DOCK1: variants seen among roughly 807,000 people sequenced by gnomAD.
DOCK1 encodes the protein dedicator of cytokinesis protein 1.
In DOCK1, 138 loss-of-function variants were observed where a neutral mutation model predicts 262.7. The observed-to-expected ratio is 0.53, with a 90% CI of 0.46 to 0.61. The LOEUF (loss-of-function observed/expected upper bound fraction) is 0.61, where lower values mean the gene tolerates loss of function less well. Among genes scored for constraint, DOCK1 ranks in the 20% least tolerant of loss-of-function variants. The probability of loss-of-function intolerance (pLI) is 0.00; values close to 1 mark genes in which losing one functional copy is unlikely to be tolerated. For synonymous variants in DOCK1, 866 were observed against 867.4 expected (o/e 1.00, Z 0.03); for missense variants, 1,908 against 2,370.7 (o/e 0.80, Z 4.05).
Position 127,124,356 on chromosome 10 carries a change from C to T in DOCK1, c.2624-1118C>T, listed in dbSNP as rs189323598. 1.7e-3 allele frequency among the ~76,000 whole-genome samples: 264 copies of T among 152,288 alleles called. 1 individual carries two copies. The highest frequency in any genetic ancestry group is 6.0e-3 in the African/African-American group (248 of 41,562). The stretch of plus-strand genomic sequence containing the variant: ...CACTGCTGTCTCCTCTTGTGCTCTG[C>T]GTTTAAAGGAAACAAGAATGGCTGG... On this transcript the variant is annotated intron_variant, in intron 25 of 51. Coordinates refer to ENST00000623213, the MANE Select transcript of DOCK1 (RefSeq NM_001290223.2).
At chr10:126,994,138 C>T (rs532461800) in intron 6 of DOCK1, among the ~76,000 whole-genome samples, 231 of 152,192 alleles carry the variant, frequency 1.5e-3, no homozygotes, top group Middle Eastern at 3.4e-3. Context: ...CTTAGACCTG[C>T]GTGTTTTGTT....
chr10:126,979,457 C>T (rs2038786935), intron 3 of DOCK1, among the ~76,000 whole-genome samples: 1 of 152,134 alleles, frequency 6.6e-6, no homozygotes, highest in African/African-American at 2.4e-5. Flanking sequence ...GACTAATATG[C>T]CCCTCCCCCA....
chr10:126,954,202 T>A (rs1162109310), intron 1 of DOCK1, among the ~76,000 whole-genome samples: 2 of 152,250 alleles, frequency 1.3e-5, no homozygotes, highest in African/African-American at 4.8e-5. Context: ...AAATGACTAT[T>A]AAAATATAAC....
intron 27 of DOCK1, among the ~76,000 whole-genome samples, chr10:127,164,435 G>A (rs1437654951): frequency 1.3e-5 from 2 of 152,006 alleles, no homozygotes; most frequent in South Asian, 2.1e-4. Context: ...CACCCGCCTC[G>A]GCCTCCCAGA....
intron 29 of DOCK1, among the ~76,000 whole-genome samples, chr10:127,335,394 C>T (rs2135700630): frequency 6.6e-6 from 1 of 152,320 alleles, no homozygotes; most frequent in Middle Eastern, 3.4e-3. Flanking sequence ...TTTGGCAAGG[C>T]ATCCTCCCAT....
chr10:127,399,692 G>A (rs1269508677), intron 38 of DOCK1, among the ~76,000 whole-genome samples: 1 of 152,050 alleles, frequency 6.6e-6, no homozygotes, highest in Non-Finnish European at 1.5e-5. Context: ...TAGAAGCCCT[G>A]GCATTCTAGG....
intron 1 of DOCK1, among the ~76,000 whole-genome samples, chr10:126,949,803 A>G (rs928138836): frequency 1.3e-5 from 2 of 151,992 alleles, no homozygotes; most frequent in East Asian, 3.9e-4. Context: ...TTTTGTTTTG[A>G]CATGTCTCTG....
intron 27 of DOCK1, among the ~76,000 whole-genome samples, chr10:127,161,457 A>G (rs1415634297): frequency 6.6e-6 from 1 of 152,124 alleles, no homozygotes; most frequent in East Asian, 1.9e-4. Flanking sequence ...CAGTTATGAG[A>G]TCCTTGCTGG....
At chr10:127,077,347 A>C (rs780017642) in intron 23 of DOCK1, among the ~76,000 whole-genome samples, 5 of 152,150 alleles carry the variant, frequency 3.3e-5, no homozygotes, top group Non-Finnish European at 7.3e-5. Context: ...GTCAGCCGAG[A>C]TTGCACCACT....
chr10:126,912,243 A>G (rs2031880104), intron 1 of DOCK1, among the ~76,000 whole-genome samples: 1 of 152,076 alleles, frequency 6.6e-6, no homozygotes, highest in Non-Finnish European at 1.5e-5. Flanking sequence ...AGCCTGGCCA[A>G]TATGGTGAAA....
chr10:127,362,578 A>G (rs1023041221), intron 33 of DOCK1, among the ~76,000 whole-genome samples: 5 of 152,190 alleles, frequency 3.3e-5, no homozygotes, highest in African/African-American at 1.2e-4. Context: ...TTATTGCAGA[A>G]TTGTGGTATT....
chr10:127,094,727 T>A (rs976169797), intron 23 of DOCK1, among the ~76,000 whole-genome samples: 3 of 152,238 alleles, frequency 2.0e-5, no homozygotes, highest in African/African-American at 7.2e-5. Context: ...AGACCATGAA[T>A]AAAACACAAG....
At chr10:127,209,684 A>T (rs932153197) in intron 27 of DOCK1, among the ~76,000 whole-genome samples, 5 of 152,238 alleles carry the variant, frequency 3.3e-5, no homozygotes, top group African/African-American at 1.2e-4. Context: ...GTGAAAATGC[A>T]GGAAAATGAT....
chr10:126,906,357 C>T (rs996423861), intron 1 of DOCK1, among the ~76,000 whole-genome samples: 47 of 152,290 alleles, frequency 3.1e-4, no homozygotes, highest in African/African-American at 1.1e-3. Flanking sequence ...GCGTGGGACC[C>T]GCATCCTTGC....
intron 1 of DOCK1, among the ~76,000 whole-genome samples, chr10:126,941,600 C>T (rs1451538069): frequency 2.6e-5 from 4 of 152,014 alleles, no homozygotes; most frequent in Admixed American, 2.6e-4. Flanking sequence ...ACTAAAAGTA[C>T]AAAAAATTAG....
intron 10 of DOCK1, among the ~76,000 whole-genome samples, chr10:127,004,594 A>G (rs201008397): frequency 1.3e-5 from 2 of 151,912 alleles, no homozygotes; most frequent in East Asian, 1.9e-4. Context: ...AAAAAATACA[A>G]AAGTTAGCTG....
At chr10:127,414,891 T>A (rs1207002314) in intron 43 of DOCK1, among the ~76,000 whole-genome samples, 1 of 152,218 alleles carries the variant, frequency 6.6e-6, no homozygotes, top group East Asian at 1.9e-4. Flanking sequence ...TAGTATACTT[T>A]CATTGTCAAA....
chr10:127,287,851 T>C (rs907151376), intron 29 of DOCK1, among the ~76,000 whole-genome samples: 1 of 152,190 alleles, frequency 6.6e-6, no homozygotes, highest in African/African-American at 2.4e-5. Flanking sequence ...TTTCACCTAA[T>C]TGTTATGGCA....
At chr10:126,929,763 G>A (rs918186294) in intron 1 of DOCK1, among the ~76,000 whole-genome samples, 8 of 152,264 alleles carry the variant, frequency 5.3e-5, no homozygotes, top group African/African-American at 1.9e-4. Flanking sequence ...TCAGGGCACA[G>A]TTGTTTAAGT....
Sources: gnomAD v4.1 joint callset for allele counts (sites outside exome capture counted in the v4.1 genomes callset) on GRCh38, gnomAD v4.1.1 for gene constraint, MANE v1.5 for transcripts, NCBI Gene and HGNC (gene_info 2026-07-23, HGNC 2026-07-21) for gene names.